The following FHIT variants were observed in gnomAD, a reference collection of about 807,000 sequenced individuals.
The protein encoded by FHIT is fragile histidine triad diadenosine triphosphatase.
A neutral mutation model predicts 17.9 loss-of-function variants in FHIT; 19 were observed. The observed-to-expected ratio is 1.06, with a 90% CI of 0.74 to 1.56. The LOEUF is 1.56. FHIT is among the 40% of genes most tolerant of loss of function. FHIT has a pLI of 0.00. For synonymous variants in FHIT, 81 were observed against 69.7 expected (o/e 1.16, Z -0.81); for missense variants, 248 against 189.2 (o/e 1.31, Z -1.82).
intron 5 of FHIT, among the ~76,000 whole-genome samples, chr3:60,055,025 A>G (rs1010500816): frequency 6.6e-6 from 1 of 152,186 alleles, no homozygotes; most frequent in Non-Finnish European, 1.5e-5. Flanking sequence ...TGCCCAACAC[A>G]GGAAAAAAAA....
chr3:59,925,486 G>A (rs1705612189), intron 7 of FHIT, among the ~76,000 whole-genome samples: 1 of 152,144 alleles, frequency 6.6e-6, no homozygotes, highest in African/African-American at 2.4e-5. Flanking sequence ...GAATATGCCT[G>A]TTAGTATCCA....
At chr3:59,751,810 G>A (rs1177780069) in intron 9 of FHIT, 7 of 238,768 alleles carry the variant, frequency 2.9e-5, no homozygotes, top group Non-Finnish European at 5.7e-5. Context: ...GGCAGAGAAA[G>A]CTGGTTTACA....
intron 5 of FHIT, among the ~76,000 whole-genome samples, chr3:60,244,807 T>C (rs71313756): frequency 0.19 from 29,318 of 152,038 alleles, 2,925 homozygotes; most frequent in South Asian, 0.25. Flanking sequence ...ATCTTACATT[T>C]GATCAGCGTG....
chr3:60,130,784 G>GTATATACACACATATGTGTGTGTGTGT lies in FHIT; in HGVS notation c.104-116633_104-116632insACACACACACACATATGTGTGTATATA, dbSNP rs148356992. On this transcript the variant is annotated intron_variant, in intron 5 of 9. Coordinates refer to ENST00000492590, the MANE Select transcript of FHIT (RefSeq NM_002012.4). The stretch of plus-strand genomic sequence containing the variant: ...TGTGTGTTTGTGTGTGTGTGTGTGT[G>GTATATACACACATATGTGTGTGTGTGT]GTGTGTATATACACACATATATATG... 4.0e-3 allele frequency among the ~76,000 whole-genome samples: 443 copies of GTATATACACACATATGTGTGTGTGTGT among 111,726 alleles called. 11 individuals are homozygous for GTATATACACACATATGTGTGTGTGTGT. The highest frequency in any genetic ancestry group is 8.6e-3 in the African/African-American group (293 of 33,884). 73.3% of individuals were successfully genotyped at this position (111,726 alleles called of 152,430 possible). A position where few individuals can be genotyped will look rare whatever the true frequency, so the allele number is the denominator to read the frequency against.
At chr3:60,440,760 A>C (rs2030727646) in intron 5 of FHIT, among the ~76,000 whole-genome samples, 1 of 152,012 alleles carries the variant, frequency 6.6e-6, no homozygotes, top group South Asian at 2.1e-4. Context: ...AAATCTCTGG[A>C]ATCTGTCATT....
At chr3:60,719,107 A>T (rs558937997) in intron 4 of FHIT, among the ~76,000 whole-genome samples, 49 of 152,322 alleles carry the variant, frequency 3.2e-4, no homozygotes, top group African/African-American at 1.1e-3. Flanking sequence ...GCCTCTCTCC[A>T]TTGGCCTTAG....
At chr3:60,979,602 G>T (rs973031890) in intron 3 of FHIT, among the ~76,000 whole-genome samples, 2 of 152,160 alleles carry the variant, frequency 1.3e-5, no homozygotes, top group Non-Finnish European at 2.9e-5. Flanking sequence ...TATGGATCAT[G>T]CCTGACCCTT....
chr3:60,901,894 C>A (rs72889152), intron 3 of FHIT, among the ~76,000 whole-genome samples: 1 of 152,044 alleles, frequency 6.6e-6, no homozygotes, highest in Non-Finnish European at 1.5e-5. Flanking sequence ...GCTAGGAATA[C>A]GTCATAAGTA....
At position 60,566,766 on chromosome 3, in the gene FHIT, A is replaced by G. The variant is rs1283882217; in HGVS notation, c.-17-29787T>C. On this transcript the variant is annotated intron_variant, in intron 4 of 9. Transcript: ENST00000492590. ...GATAGGCAACTTCAGCAAAGTCTCA[A>G]GATACAAAATCAATGTGCAAAAATC... Among the ~76,000 whole-genome samples, 191 of 151,996 alleles carry G rather than the reference A, an allele frequency of 1.3e-3. 1 individual carries two copies. Among genetic ancestry groups the G allele is most frequent in the African/African-American group, 4.2e-3 (175 of 41,426 alleles).
chr3:60,707,845 ATTTATCATGATGTT>A, intron 4 of FHIT, among the ~76,000 whole-genome samples: 1 of 152,172 alleles, frequency 6.6e-6, no homozygotes, highest in East Asian at 1.9e-4. Flanking sequence ...GTCCAGCAAA[ATTTATCATGATGTT>A]TTTATCTTCC....
intron 3 of FHIT, among the ~76,000 whole-genome samples, chr3:60,839,209 T>G (rs996714572): frequency 2.1e-4 from 32 of 152,192 alleles, no homozygotes; most frequent in African/African-American, 7.5e-4. Context: ...ATTGCTACTA[T>G]AACACTCTTT....
At chr3:60,182,497 G>A (rs1431579029) in intron 5 of FHIT, among the ~76,000 whole-genome samples, 1 of 152,066 alleles carries the variant, frequency 6.6e-6, no homozygotes, top group Non-Finnish European at 1.5e-5. Flanking sequence ...CAGAGGCCCA[G>A]TGGGCACAGT....
chr3:59,815,744 T>G (rs930730307), intron 8 of FHIT, among the ~76,000 whole-genome samples: 5 of 150,424 alleles, frequency 3.3e-5, no homozygotes, highest in African/African-American at 1.2e-4. Context: ...GGGAAAAGAG[T>G]GGGAGGGGGG....
intron 5 of FHIT, among the ~76,000 whole-genome samples, chr3:60,186,209 A>G (rs922518369): frequency 1.3e-5 from 2 of 152,128 alleles, no homozygotes; most frequent in African/African-American, 4.8e-5. Flanking sequence ...CTACTAACAC[A>G]TTACCAAATA....
chr3:60,023,771 T>G (rs984543472), intron 5 of FHIT, among the ~76,000 whole-genome samples: 82 of 152,340 alleles, frequency 5.4e-4, no homozygotes, highest in African/African-American at 1.9e-3. Flanking sequence ...GGATTCCTGG[T>G]GCTACACACA....
At chr3:60,068,568 G>T (rs536269968) in intron 5 of FHIT, among the ~76,000 whole-genome samples, 1 of 152,158 alleles carries the variant, frequency 6.6e-6, no homozygotes, top group Non-Finnish European at 1.5e-5. Flanking sequence ...CCCCACCCAA[G>T]GGGTATCCTA....
intron 4 of FHIT, among the ~76,000 whole-genome samples, chr3:60,820,801 T>A (rs1701898364): frequency 6.6e-6 from 1 of 152,090 alleles, no homozygotes; most frequent in South Asian, 2.1e-4. Context: ...CATGTTAAAT[T>A]GTCTGAGACC....
In FHIT at chr3:60,401,149, G is replaced by GCATGCTTTTGCTTTGCTTGTA. The variant is rs1701641934; in HGVS notation, c.103+135710_103+135711insTACAAGCAAAGCAAAAGCATG. ...AAGACATTATCTATGCATTTGTAAA[G>GCATGCTTTTGCTTTGCTTGTA]GTTATTTTTGCTTTGCTTGTAGTGA... On this transcript the variant is annotated intron_variant, in intron 5 of 9. Coordinates refer to ENST00000492590, the MANE Select transcript of FHIT (RefSeq NM_002012.4). 2.0e-5 allele frequency among the ~76,000 whole-genome samples: 3 copies of GCATGCTTTTGCTTTGCTTGTA among 152,220 alleles called. No individual in the cohort carries two copies. In the South Asian group the frequency reaches 6.2e-4, roughly 32 times the overall value.
intron 7 of FHIT, among the ~76,000 whole-genome samples, chr3:59,991,837 G>A (rs1167764526): frequency 6.6e-6 from 1 of 152,152 alleles, no homozygotes; most frequent in South Asian, 2.1e-4. Context: ...CCTTTGCAGA[G>A]AAAGAGAAAC....
Sources: allele counts gnomAD v4.1 joint callset (sites outside exome capture counted in the v4.1 genomes callset), GRCh38; gene constraint gnomAD v4.1.1; transcripts MANE v1.5; gene names NCBI Gene and HGNC (gene_info 2026-07-23, HGNC 2026-07-21).